The following TRIM55 variants were observed in gnomAD, a reference collection of about 807,000 sequenced individuals.
TRIM55 encodes the protein tripartite motif-containing protein 55.
A neutral mutation model predicts 60.9 loss-of-function variants in TRIM55; 50 were observed. That is an observed-to-expected ratio of 0.82 (90% confidence interval 0.65 to 1.04). The LOEUF (loss-of-function observed/expected upper bound fraction) is 1.04. TRIM55 is among the 50% of genes least tolerant of loss of function. The pLI is 0.00. For missense variants in TRIM55, 681 were observed against 666.9 expected (o/e 1.02, Z -0.23); for synonymous variants, 237 against 238.1 (o/e 1.00, Z 0.04).
chr8:66,152,903 TTGTGTGTGTGTGTGTGTGTGTGTGTG>T (rs59283692), intron 8 of TRIM55, among the ~76,000 whole-genome samples: 1 of 140,294 alleles, frequency 7.1e-6, no homozygotes, highest in Admixed American at 7.2e-5. Flanking sequence ...TGTCTGGAAA[TTGTGTGTGTGTGTGTGTGTGTGTGTG>T]TGTGTGTGTG....
the TRIM55 span, among the ~76,000 whole-genome samples, chr8:66,119,176 C>A: frequency 3.9e-5 from 6 of 152,180 alleles, no homozygotes. Flanking sequence ...TGTTCTTTCC[C>A]TGTTTTAATT....
chr8:66,169,632 C>T (rs1462184379), intron 9 of TRIM55, among the ~76,000 whole-genome samples: 3 of 150,866 alleles, frequency 2.0e-5, no homozygotes, highest in Non-Finnish European at 4.4e-5. Context: ...AAATACAAGA[C>T]ATTGCTTGCT....
At chr8:66,132,078 A>G (rs1254996062) in intron 2 of TRIM55, among the ~76,000 whole-genome samples, 1 of 152,222 alleles carries the variant, frequency 6.6e-6, no homozygotes, top group Non-Finnish European at 1.5e-5. Flanking sequence ...ACGAGTAAAA[A>G]CTGAGACCAG....
At chr8:66,117,563 A>G in the TRIM55 span, among the ~76,000 whole-genome samples, 6 of 152,268 alleles carry the variant, frequency 3.9e-5, no homozygotes, top group Admixed American at 3.9e-4. Context: ...GCCAGATCAT[A>G]TCAGGTCTTG....
chr8:66,160,680 AT>A (rs1370069224), intron 9 of TRIM55, among the ~76,000 whole-genome samples: 5 of 149,700 alleles, frequency 3.3e-5, no homozygotes, highest in African/African-American at 9.8e-5. Flanking sequence ...CCCCACCAAC[AT>A]TTTTTTTTAA....
intron 9 of TRIM55, among the ~76,000 whole-genome samples, chr8:66,161,635 C>T (rs947610273): frequency 1.3e-5 from 2 of 151,740 alleles, no homozygotes; most frequent in African/African-American, 4.8e-5. Flanking sequence ...ATTGATTCTA[C>T]CCATCCATGA....
At chr8:66,134,248 G>C (rs1809345420) in intron 2 of TRIM55, among the ~76,000 whole-genome samples, 1 of 152,160 alleles carries the variant, frequency 6.6e-6, no homozygotes, top group South Asian at 2.1e-4. Flanking sequence ...ATTTGGATTT[G>C]AATTTTTTGA....
chr8:66,165,593 A>T (rs188663831), intron 9 of TRIM55, among the ~76,000 whole-genome samples: 3 of 152,338 alleles, frequency 2.0e-5, no homozygotes, highest in Non-Finnish European at 4.4e-5. Context: ...ATTATTTTCA[A>T]ACAGAGATCC....
the TRIM55 span, among the ~76,000 whole-genome samples, chr8:66,114,085 C>CCA: frequency 1.6e-5 from 2 of 127,560 alleles, 1 homozygote; most frequent in African/African-American, 5.7e-5. Context: ...GAGAGACACC[C>CCA]CCCCCCCCAT....
chr8:66,170,182 G>T (rs569095001), intron 9 of TRIM55, among the ~76,000 whole-genome samples: 2 of 152,198 alleles, frequency 1.3e-5, no homozygotes, highest in South Asian at 4.2e-4. Context: ...GCAACCAATT[G>T]CTAGAACTTT....
intron 7 of TRIM55, among the ~76,000 whole-genome samples, 200 bp downstream of exon 7, chr8:66,150,666 ATGGTGCCTTT>A (rs1305214475): frequency 6.7e-6 from 1 of 149,208 alleles, no homozygotes; most frequent in Non-Finnish European, 1.5e-5. Flanking sequence ...CTTTGCACAT[ATGGTGCCTTT>A]TTTTTTTTTT....
chr8:66,149,304 C>G (rs1448185344), intron 4 of TRIM55, among the ~76,000 whole-genome samples: 2 of 152,098 alleles, frequency 1.3e-5, no homozygotes, highest in East Asian at 1.9e-4. Flanking sequence ...CACTCCAAAG[C>G]AAAATATAAC....
chr8:66,172,951 A>G (rs1031952735), intron 9 of TRIM55, among the ~76,000 whole-genome samples: 7 of 152,180 alleles, frequency 4.6e-5, no homozygotes, highest in African/African-American at 2.4e-5. Context: ...TAAGCCATAC[A>G]TGAGACTTAA....
the TRIM55 span, among the ~76,000 whole-genome samples, chr8:66,118,500 T>G: frequency 2.6e-5 from 4 of 152,194 alleles, no homozygotes; most frequent in African/African-American, 9.7e-5. Context: ...TAGAAAAGAC[T>G]GATGACACAG....
chr8:66,159,076 G>GTACA (rs1215181232), intron 9 of TRIM55, among the ~76,000 whole-genome samples: 1 of 152,230 alleles, frequency 6.6e-6, no homozygotes, highest in Non-Finnish European at 1.5e-5. Context: ...CATTTTAAGT[G>GTACA]TACAGTTCAG....
intron 3 of TRIM55, 53 bp from the exon 4 acceptor site, chr8:66,137,042 C>T (rs1809517065): frequency 9.6e-6 from 14 of 1,455,502 alleles, no homozygotes; most frequent in South Asian, 4.7e-5. Context: ...AATTCACAGT[C>T]GGGGTGGCTA....
At chr8:66,149,088 A>G (rs1810261719) in intron 4 of TRIM55, among the ~76,000 whole-genome samples, 1 of 152,112 alleles carries the variant, frequency 6.6e-6, no homozygotes, top group Non-Finnish European at 1.5e-5. Flanking sequence ...ACATGATTAG[A>G]ACTGTACTCT....
the TRIM55 span, among the ~76,000 whole-genome samples, chr8:66,114,081 C>CA: frequency 2.6e-5 from 1 of 39,152 alleles, no homozygotes; most frequent in Non-Finnish European, 6.3e-5. Flanking sequence ...GAAGGAGAGA[C>CA]ACCCCCCCCC....
intron 9 of TRIM55, among the ~76,000 whole-genome samples, chr8:66,166,964 G>A (rs983144928): frequency 2.0e-5 from 3 of 152,134 alleles, no homozygotes; most frequent in East Asian, 3.9e-4. Flanking sequence ...CAGGTGGGTC[G>A]TTTCTAGGCC....
Sources: gnomAD v4.1 joint callset for allele counts (sites outside exome capture counted in the v4.1 genomes callset) on GRCh38, gnomAD v4.1.1 for gene constraint, MANE v1.5 for transcripts, NCBI Gene and HGNC (gene_info 2026-07-23, HGNC 2026-07-21) for gene names.